Variants in HELZ2 observed in about 807,000 individuals in gnomAD.
HELZ2 encodes the protein helicase with zinc finger 2, also known as 3'-5' exoribonuclease HELZ2.
Under a neutral mutation model 208.8 loss-of-function variants are expected in HELZ2, and 143 were observed. That is an observed-to-expected ratio of 0.68 (90% CI 0.60 to 0.79). The LOEUF is 0.79. Among genes scored for constraint, HELZ2 ranks in the 30% least tolerant of loss-of-function variants. The probability of loss-of-function intolerance (pLI) is 0.00; values close to 1 mark genes in which losing one functional copy is unlikely to be tolerated. For missense variants in HELZ2, 3,690 were observed against 3,794.5 expected, an observed-to-expected ratio of 0.97 and a Z score of 0.72; for synonymous variants, 1,705 against 1,693.7, an observed-to-expected ratio of 1.01 and a Z score of -0.16.
chr20:63,565,401 G>A (rs753723603), exon 8 of HELZ2: 88 of 1,610,172 alleles, frequency 5.5e-5, no homozygotes, highest in Non-Finnish European at 6.1e-5. Flanking sequence ...GCTGACGCCC[G>A]CTCGAAGGTC....
exon 8 of HELZ2, chr20:63,564,339 G>A: frequency 6.3e-7 from 1 of 1,579,502 alleles, no homozygotes; most frequent in Admixed American, 1.8e-5. Flanking sequence ...CGGCGCAGCA[G>A]CCGAGAGAAG....
In HELZ2 at chr20:63,567,122, T is replaced by C. The variant is rs1214822514; in HGVS notation, c.2236A>G (p.Thr746Ala). ...GAGATGAAGCTGACAATGGCGTCCG[T>C]GCAGCGGTAGTTCTCGTGGAAGACC... Residue 746 changes from threonine to alanine, a missense_variant, in exon 6 of 19, where the codon ACG becomes GCG. Transcript: ENST00000467148. The C allele has an allele frequency of 1.9e-6, 3 of 1,611,638 alleles. No homozygotes were observed. In the Admixed American group the frequency reaches 5.0e-5, roughly 27 times the overall value.
At chr20:63,573,732 C>A (rs1427449322), upstream of HELZ2, among the ~76,000 whole-genome samples, 2 of 152,020 alleles carry the variant, frequency 1.3e-5, no homozygotes, top group Non-Finnish European at 1.5e-5. The surrounding 1 kb of genome is among the most constrained non-coding windows in gnomAD (Gnocchi z 4.9). Context: ...GAGGAGGGTA[C>A]AGTGCCCACC....
At chr20:63,563,164 C>G (rs1291762664) in exon 8 of HELZ2, 2 of 1,592,516 alleles carry the variant, frequency 1.3e-6, no homozygotes, top group Non-Finnish European at 1.7e-6. Flanking sequence ...TGGTGCCGAG[C>G]TGCACCTGCA....
rs143144040 is a variant in HELZ2, at chr20:63,561,480, C to G, written c.6837-14G>C. 1.9e-6 allele frequency: 3 copies of G among 1,599,408 alleles called. No individual in the cohort carries two copies. Among genetic ancestry groups the G allele is most frequent in the Non-Finnish European group, 2.6e-6 (3 of 1,173,312 alleles). On this transcript the variant is annotated splice_polypyrimidine_tract_variant and intron_variant, in intron 12 of 18. Transcript: ENST00000467148. ...AGGGTGATGCTCCTGGGGGACAGGA[C>G]ACAGTGAGCCCTGTCCACGCAGGGC...
exon 8 of HELZ2, chr20:63,563,001 A>G: frequency 6.2e-7 from 1 of 1,601,172 alleles, no homozygotes; most frequent in Non-Finnish European, 8.5e-7. Context: ...ACGCAGGCGT[A>G]CTCATCCACG....
intron 18 of HELZ2, 59 bp from the exon 20 acceptor site, chr20:63,559,429 A>T: frequency 6.7e-7 from 1 of 1,482,352 alleles, no homozygotes; most frequent in Non-Finnish European, 9.0e-7. Context: ...AGTCAGGGTC[A>T]GGTGGGAGGA....
upstream of HELZ2, among the ~76,000 whole-genome samples, chr20:63,573,718 C>T (rs531528136): frequency 9.9e-5 from 15 of 152,240 alleles, 1 homozygote; most frequent in South Asian, 2.1e-3. The surrounding 1 kb of genome is among the most constrained non-coding windows in gnomAD (Gnocchi z 4.9). Context: ...AGGGGCCTCA[C>T]GGAGAGGAGG....
exon 2 of HELZ2, chr20:63,570,745 C>T (rs1235252026): frequency 2.5e-6 from 4 of 1,609,792 alleles, no homozygotes; most frequent in Admixed American, 3.3e-5. Flanking sequence ...GGTAGGGCAC[C>T]AGCCCGTCCT....
chr20:63,567,108 G>A, exon 6 of HELZ2: 1 of 1,611,978 alleles, frequency 6.2e-7, no homozygotes, highest in South Asian at 1.1e-5. Flanking sequence ...AGATGAAGCT[G>A]ACAATGGCGT....
downstream of HELZ2, chr20:63,559,087 C>A: frequency 1.3e-6 from 1 of 783,136 alleles, no homozygotes; most frequent in Non-Finnish European, 2.0e-6. Context: ...CGGCCCTTGC[C>A]GTTCCTCCTC....
exon 9 of HELZ2, chr20:63,562,371 T>C (rs1309116228): frequency 6.3e-7 from 1 of 1,588,812 alleles, no homozygotes. Flanking sequence ...ACGCACGGCT[T>C]CCTCCTTGCG....
exon 8 of HELZ2, chr20:63,562,780 C>T (rs781349009): frequency 6.2e-7 from 1 of 1,607,300 alleles, no homozygotes; most frequent in Admixed American, 1.7e-5. Flanking sequence ...GAGCCGGCAG[C>T]CCCTCGAGCC....
chr20:63,561,440 C>G, exon 13 of HELZ2: 1 of 1,611,398 alleles, frequency 6.2e-7, no homozygotes, highest in African/African-American at 1.3e-5. Context: ...GGGGGCCTGC[C>G]GGATCCGGTG....
chr20:63,563,358 C>T (rs1322751784), exon 8 of HELZ2: 2 of 1,538,006 alleles, frequency 1.3e-6, no homozygotes, highest in South Asian at 1.2e-5. Flanking sequence ...GTCTCCACGG[C>T]CAGGGTGTGT....
chr20:63,563,013 C>T (rs767538230), exon 8 of HELZ2: 13 of 1,600,556 alleles, frequency 8.1e-6, no homozygotes, highest in East Asian at 2.3e-5. Flanking sequence ...TCATCCACGT[C>T]GCGGTACCGG....
chr20:63,567,304 G>A lies in HELZ2; in HGVS notation c.2054C>T (p.Ser685Leu), dbSNP rs200024831. 444 of 1,610,106 alleles carry A rather than the reference G, an allele frequency of 2.8e-4. 2 individuals carry two copies. Among genetic ancestry groups the A allele is most frequent in the African/African-American group, 1.9e-3 (139 of 75,048 alleles). ...CGCCAGCACGAGGCGGGTGCCGTGC[G>A]AGGCATAGGCCAGCGGGGTGAGGGC... Residue 685 changes from serine to leucine, a missense_variant, in exon 6 of 19, where the codon TCG (serine) becomes TTG (leucine). By Grantham distance (145) the Ser-to-Leu change is moderately radical. This residue lies in a region of HELZ2 where 1,119 missense variants were observed against 1,193.4 expected (regional missense o/e 0.94). Transcript: ENST00000467148.
exon 8 of HELZ2, chr20:63,562,520 A>G: frequency 6.4e-7 from 1 of 1,571,814 alleles, no homozygotes. Flanking sequence ...AGCCACTCAC[A>G]GATCAGGAAG....
chr20:63,565,337 T>G (rs748186618), exon 8 of HELZ2: 1 of 1,607,362 alleles, frequency 6.2e-7, no homozygotes, highest in Non-Finnish European at 8.5e-7. Flanking sequence ...CATCCCACAG[T>G]CCAGGCGGCC....
Sources: gnomAD v4.1 joint callset for allele counts (sites outside exome capture counted in the v4.1 genomes callset) on GRCh38, gnomAD v4.1.1 for gene constraint, gnomAD v4.1.1 regional missense constraint, Gnocchi (gnomAD v3.1) non-coding constraint, MANE v1.5 for transcripts, NCBI Gene and HGNC (gene_info 2026-07-23, HGNC 2026-07-21) for gene names.